RAPGEF3: variants seen among roughly 807,000 people sequenced by gnomAD.
RAPGEF3 encodes the protein Rap guanine nucleotide exchange factor 3.
Under a neutral mutation model 129.8 loss-of-function variants are expected in RAPGEF3, and 103 were observed. The observed-to-expected ratio is 0.79, with a 90% CI of 0.68 to 0.93. The LOEUF is 0.93. Among genes scored for constraint, RAPGEF3 ranks in the 40% least tolerant of loss-of-function variants. The pLI is 0.00. For missense variants in RAPGEF3, 1,117 were observed against 1,207.4 expected, an observed-to-expected ratio of 0.93 and a Z score of 1.11; for synonymous variants, 436 against 482.6, an observed-to-expected ratio of 0.90 and a Z score of 1.26.
chr12:47,738,203 G>C lies in RAPGEF3; in HGVS notation c.2571C>G (p.Ser857Arg). 3 of 1,613,844 alleles carry C rather than the reference G, an allele frequency of 1.9e-6. No individual in the cohort carries two copies. The highest frequency in any genetic ancestry group is 2.5e-6 in the Non-Finnish European group (3 of 1,180,014). Residue 857 changes from serine to arginine, a missense_variant, in exon 26 of 28, where the codon AGC becomes AGG. Around this residue, in one of 3 missense-constraint regions of RAPGEF3, gnomAD observed 643 missense variants for 673.4 expected, o/e 0.95. Coordinates refer to ENST00000449771, the MANE Select transcript of RAPGEF3 (RefSeq NM_001098531.4). ...GACCCGCCCTCTCACCAGGGTTGTG[G>C]CTTCGGCAGTGGTGCAGCATCCGCG... ...RAARMLHHCR[S>R]HNPVPLSPLR...
In RAPGEF3 at chr12:47,749,638, C is replaced by T. The variant is rs1257909700; in HGVS notation, c.895-102G>A. The stretch of plus-strand genomic sequence containing the variant: ...AGGAGAACAACCCACACAGGAGACA[C>T]GGGGTCAGCAGCAGTAGATCAACAA... On this transcript the variant is annotated intron_variant, in intron 9 of 27. Coordinates refer to ENST00000449771, the MANE Select transcript of RAPGEF3 (RefSeq NM_001098531.4). The surrounding 1 kb of genome is among the most constrained non-coding windows in gnomAD (Gnocchi z 4.5). The T allele has an allele frequency of 1.5e-5, 24 of 1,575,486 alleles. No individual in the cohort carries two copies. The East Asian group carries it at 2.8e-4, about 18-fold the overall frequency.
Position 47,740,781 on chromosome 12 carries a change from C to G in RAPGEF3, c.2092G>C (p.Asp698His), listed in dbSNP as rs112035828. 3 of 1,614,050 alleles carry G rather than the reference C, an allele frequency of 1.9e-6. No homozygotes were observed. Among genetic ancestry groups the G allele is most frequent in the Admixed American group, 3.3e-5 (2 of 60,028 alleles). ...CGCTCCAGGTTGGCGGTGGTGACAT[C>G]CCGCAGATGCTGGGGGCCCAGCACA... ...HYVLGPQHLR[D>H]VTTANLERFM... The change falls in exon 21 of 28, where the codon GAT (aspartate) becomes CAT (histidine). Residue 698 changes from aspartate (D) to histidine (H), a missense_variant. Physicochemically the swap from Asp to His is moderately conservative, Grantham distance 81. This residue lies in a region of RAPGEF3 where 643 missense variants were observed against 673.4 expected (regional missense o/e 0.95). Transcript: ENST00000449771.
At position 47,746,524 on chromosome 12, in the gene RAPGEF3, G is replaced by A; in HGVS notation, c.1596+336C>T. ...TGAGCTCCCACAGCACTGGCCACCAGGAGCCCCGTGGGCCTCAGGGGCCAA... is the reference window on the plus strand; with the variant it reads ...TGAGCTCCCACAGCACTGGCCACCAAGAGCCCCGTGGGCCTCAGGGGCCAA... On this transcript the variant is annotated intron_variant, in intron 16 of 27. Transcript: ENST00000449771. 1.4e-5 allele frequency: 9 copies of A among 640,732 alleles called. No homozygotes were observed. The South Asian group carries it at 1.6e-4, about 11-fold the overall frequency. 39.7% of individuals were successfully genotyped at this position (640,732 alleles called of 1,614,324 possible). A position where few individuals can be genotyped will look rare whatever the true frequency, so the allele number is the denominator to read the frequency against.
Position 47,737,422 on chromosome 12 carries a change from G to T in RAPGEF3, c.*145C>A, listed in dbSNP as rs1047618569. On this transcript the variant is annotated 3_prime_UTR_variant, in exon 28 of 28. Transcript: ENST00000449771. ...CTGCCAGTCATCACAGGGGATGGCT[G>T]CCTCCACACTGCCTGCTCCAGGGAC... 5.5e-5 allele frequency: 37 copies of T among 670,692 alleles called. No individual in the cohort carries two copies. The highest frequency in any genetic ancestry group is 8.6e-5 in the Non-Finnish European group (34 of 395,592). 41.5% of individuals were successfully genotyped at this position (670,692 alleles called of 1,614,324 possible). A position where few individuals can be genotyped will look rare whatever the true frequency, so the allele number is the denominator to read the frequency against.
In RAPGEF3 at chr12:47,740,404, A is replaced by G; in HGVS notation, c.2232-9T>C. ...TCTTCTGCTCCTTGAGGCTGTGAGC[A>G]GAAGACCCAGAGACCCTCAGGGTAA... On this transcript the variant is annotated splice_polypyrimidine_tract_variant and intron_variant, in intron 21 of 27. Transcript: ENST00000449771. 1.2e-6 allele frequency: 2 copies of G among 1,613,288 alleles called. No homozygotes were observed. Among genetic ancestry groups the G allele is most frequent in the Non-Finnish European group, 1.7e-6 (2 of 1,179,640 alleles).
chr12:47,757,574 A>T (rs1158003215), intron 2 of RAPGEF3, among the ~76,000 whole-genome samples: 2 of 152,020 alleles, frequency 1.3e-5, no homozygotes, highest in African/African-American at 4.8e-5. Flanking sequence ...CAAGTACCTA[A>T]CTCAATGCCG....
At chr12:47,755,538 G>A (rs928214381) in intron 2 of RAPGEF3, among the ~76,000 whole-genome samples, 3 of 151,974 alleles carry the variant, frequency 2.0e-5, no homozygotes, top group East Asian at 1.9e-4. Flanking sequence ...CCCTGCCCCC[G>A]GACATCAGAC....
At chr12:47,743,753 G>A (rs1449969740) in intron 17 of RAPGEF3, 77 bp from the exon 18 acceptor site, 10 of 1,546,704 alleles carry the variant, frequency 6.5e-6, no homozygotes, top group Non-Finnish European at 7.9e-6. Flanking sequence ...GGCTATTGCA[G>A]TAATGGTGGG....
In RAPGEF3 at chr12:47,750,749, C is replaced by G. The variant is rs773997720; in HGVS notation, c.671+299G>C. On this transcript the variant is annotated intron_variant, in intron 6 of 27. Coordinates refer to ENST00000449771, the MANE Select transcript of RAPGEF3 (RefSeq NM_001098531.4). ...CCTGGACCCACCGGACTGCAGTTTC[C>G]AAAACCCACTTGCTTTCAGCCACAA... Among the ~76,000 whole-genome samples, 260 of 152,308 alleles carry G rather than the reference C, an allele frequency of 1.7e-3. 2 individuals carry two copies. The Middle Eastern group carries it at 0.027, about 16-fold the overall frequency.
intron 11 of RAPGEF3, 60 bp from the exon 12 acceptor site, chr12:47,748,602 C>A: frequency 1.4e-6 from 2 of 1,404,080 alleles, no homozygotes; most frequent in Non-Finnish European, 2.0e-6. Context: ...CACACCTGGG[C>A]AGACATCAAT....
chr12:47,747,711 C>T lies in RAPGEF3; in HGVS notation c.1473+1G>A. On this transcript the variant is annotated splice_donor_variant, in intron 14 of 27. Coordinates refer to ENST00000449771, the MANE Select transcript of RAPGEF3 (RefSeq NM_001098531.4). LOFTEE classifies it high-confidence loss of function. ...CCCCGCTGTGCCTCACTCCCAGGTA[C>T]CTGGAGGAAGCTGGTGGCCACAGGG... The T allele has an allele frequency of 6.2e-7, 1 of 1,611,214 alleles. No individual in the cohort carries two copies. Among genetic ancestry groups the T allele is most frequent in the Non-Finnish European group, 8.5e-7 (1 of 1,179,146 alleles).
intron 6 of RAPGEF3, 99 bp from the exon 7 acceptor site, chr12:47,750,524 G>A (rs890228431): frequency 9.3e-7 from 1 of 1,071,050 alleles, no homozygotes; most frequent in African/African-American, 1.6e-5. Flanking sequence ...GCCAGACGGT[G>A]CCTCAGCAGT....
Position 47,757,964 on chromosome 12 carries a change from G to T in RAPGEF3, c.121C>A (p.Leu41Ile). 2 of 1,562,624 alleles carry T rather than the reference G, an allele frequency of 1.3e-6. No individual in the cohort carries two copies. The highest frequency in any genetic ancestry group is 1.7e-6 in the Non-Finnish European group (2 of 1,153,070). ...TGCATCCTTCTCAACACCATGTTGA[G>T]TAGTGTCCCCTCCGGCACCACGTCA... is the stretch of plus-strand genomic sequence containing the variant. ...LPDVVPEGTLLNMVLRRMHRP... is the reference protein window; with the variant it reads ...LPDVVPEGTLINMVLRRMHRP... The change falls in exon 2 of 28, where the codon CTC (leucine) becomes ATC (isoleucine). Residue 41 changes from leucine to isoleucine, a missense_variant. By Grantham distance (5) the Leu-to-Ile change is conservative (BLOSUM62 2). Coordinates refer to ENST00000449771, the MANE Select transcript of RAPGEF3 (RefSeq NM_001098531.4).
intron 1 of RAPGEF3, 27 bp from the exon 2 acceptor site, chr12:47,758,105 G>A: frequency 6.5e-7 from 1 of 1,546,872 alleles, no homozygotes. Context: ...AAAGTGGACA[G>A]CCATGGGACA....
chr12:47,742,233 ATTAC>A (rs932317506), intron 18 of RAPGEF3: 3 of 152,336 alleles, frequency 2.0e-5, no homozygotes, highest in African/African-American at 7.2e-5. Context: ...ATATATGTGT[ATTAC>A]TTACAAACAA....
rs1404701932 is a variant in RAPGEF3, at chr12:47,749,369, C to A, written c.1041+21G>T. 6.2e-7 allele frequency: 1 copy of A among 1,610,364 alleles called. No homozygotes were observed. On this transcript the variant is annotated intron_variant, in intron 10 of 27. Coordinates refer to ENST00000449771, the MANE Select transcript of RAPGEF3 (RefSeq NM_001098531.4). This position sits in a 1 kb window ranked among gnomAD's most constrained non-coding sequence, Gnocchi z 4.5. ...TCTCTGGACGAATGGCCCCTGCCCT[C>A]CCCAACCCCAGCAGCAGCACCTTGA...
rs377522593 is a variant in RAPGEF3 at position 47,740,689 on chromosome 12, G to A, written c.2184C>T (p.Pro728=). The change falls in exon 21 of 28, where the codon CCC becomes CCT. Residue 728 remains proline (P), a synonymous_variant. Coordinates refer to ENST00000449771, the MANE Select transcript of RAPGEF3 (RefSeq NM_001098531.4). ...TCCTGAGCAGCTGGGCCCGGGGGCCGGGCACGGGGCAGAGACACAGCTCGG... is the reference window on the plus strand; with the variant it reads ...TCCTGAGCAGCTGGGCCCGGGGGCCAGGCACGGGGCAGAGACACAGCTCGG... ...VATELCLCPV[P]GPRAQLLRKF... 55 of 1,613,836 alleles carry A rather than the reference G, an allele frequency of 3.4e-5. No homozygotes were observed. The highest frequency in any genetic ancestry group is 6.7e-5 in the African/African-American group (5 of 75,042).
intron 13 of RAPGEF3, 59 bp downstream of exon 13, chr12:47,748,015 T>C (rs56199059): frequency 0.16 from 253,448 of 1,546,492 alleles, 22,719 homozygotes; most frequent in East Asian, 0.35. Context: ...AGATTTTCTC[T>C]CAACCCCACG....
Position 47,749,951 on chromosome 12 carries a change from G to T in RAPGEF3, c.796C>A (p.His266Asn). 6.2e-7 allele frequency: 1 copy of T among 1,614,260 alleles called. No homozygotes were observed. Among genetic ancestry groups the T allele is most frequent in the Non-Finnish European group, 8.5e-7 (1 of 1,180,046 alleles). Reference protein sequence around the residue: ...ELAAVLLFEPHSKAGTVLFSQ... With the variant: ...ELAAVLLFEPNSKAGTVLFSQ... ...TTACACACGGTCCCTGCCTTGCTGT[G>T]TGGTTCAAAGAGCAGAACAGCCGCT... Residue 266 changes from histidine to asparagine, a missense_variant, in exon 8 of 28, where the codon CAC (histidine) becomes AAC (asparagine). His to Asn is a moderately conservative substitution (Grantham distance 68). Around this residue, in one of 3 missense-constraint regions of RAPGEF3, gnomAD observed 367 missense variants for 373.4 expected, o/e 0.98. Transcript: ENST00000449771. This position sits in a 1 kb window ranked among gnomAD's most constrained non-coding sequence, Gnocchi z 4.5.
Sources: gnomAD v4.1 joint callset for allele counts (sites outside exome capture counted in the v4.1 genomes callset) on GRCh38, gnomAD v4.1.1 for gene constraint, gnomAD v4.1.1 regional missense constraint, Gnocchi (gnomAD v3.1) non-coding constraint, MANE v1.5 for transcripts, NCBI Gene and HGNC (gene_info 2026-07-23, HGNC 2026-07-21) for gene names.